The following ARHGAP23 variants were observed in gnomAD, a reference collection of about 807,000 sequenced individuals.
ARHGAP23 encodes the protein Rho GTPase activating protein 23, also known as rho GTPase-activating protein 23.
A neutral mutation model predicts 136.3 loss-of-function variants in ARHGAP23; 34 were observed. The ratio of observed to expected loss-of-function variants is 0.25; its 90% CI spans 0.19 to 0.33. The LOEUF (loss-of-function observed/expected upper bound fraction) is 0.33, where lower values mean the gene tolerates loss of function less well. Ranked by LOEUF, ARHGAP23 falls within the 10% of genes least tolerant of loss-of-function variation. ARHGAP23 has a pLI of 1.00. For synonymous variants in ARHGAP23, 832 were observed against 920.5 expected, an observed-to-expected ratio of 0.90 and a Z score of 1.74; for missense variants, 1,808 against 2,139.0, an observed-to-expected ratio of 0.85 and a Z score of 3.05.
rs931917726 is a variant in ARHGAP23, at chr17:38,479,433, C to T, written c.2437-3C>T. On this transcript the variant is annotated splice_polypyrimidine_tract_variant and splice_region_variant and intron_variant, in intron 12 of 23. Transcript: ENST00000622683. ...TGATCCGCTCTCTCCTCTCCTGCTT[C>T]AGGACCCCGGCTGTGCCAACCAAGC... The T allele has an allele frequency of 5.2e-6, 8 of 1,542,946 alleles. No individual in the cohort carries two copies. In the African/African-American group the frequency reaches 1.1e-4, roughly 21 times the overall value.
At chr17:38,454,967 G>T (rs1367004551) in intron 1 of ARHGAP23, among the ~76,000 whole-genome samples, 1 of 152,218 alleles carries the variant, frequency 6.6e-6, no homozygotes, top group African/African-American at 2.4e-5. Flanking sequence ...CAGGCCAGGA[G>T]AATTTAATCA....
At chr17:38,478,946 C>T (rs971605564) in intron 12 of ARHGAP23, among the ~76,000 whole-genome samples, 4 of 152,184 alleles carry the variant, frequency 2.6e-5, no homozygotes, top group Admixed American at 2.0e-4. Flanking sequence ...GCTGAGGTCA[C>T]ATCCTCTTAC....
At position 38,482,030 on chromosome 17, in the gene ARHGAP23, G is replaced by A. The variant is rs2040055367; in HGVS notation, c.2638G>A (p.Ala880Thr). The change falls in exon 15 of 24, where the codon GCT (alanine) becomes ACT (threonine). Residue 880 changes from alanine to threonine, a missense_variant. Physicochemically the swap from Ala to Thr is moderately conservative, Grantham distance 58. This residue lies in a region of ARHGAP23 where 73 missense variants were observed against 82.5 expected (regional missense o/e 0.88). Transcript: ENST00000622683. The part of the protein sequence containing the change: ...DLPAGSKDDS[A>T]AAPKTPWGIN... The stretch of plus-strand genomic sequence containing the variant: ...TGTCTCCCCCACTTCAGATGACAGT[G>A]CTGCAGCCCCCAAAACCCCCTGGGG... 2.6e-6 allele frequency: 4 copies of A among 1,539,492 alleles called. No individual in the cohort carries two copies. The highest frequency in any genetic ancestry group is 1.4e-5 in the African/African-American group (1 of 72,168).
At chr17:38,469,450 A>G (rs1241503151) in intron 8 of ARHGAP23, 74 bp from the exon 9 acceptor site, 12 of 1,484,232 alleles carry the variant, frequency 8.1e-6, no homozygotes, top group Non-Finnish European at 1.1e-5. Context: ...GCCCCTGCCC[A>G]GAAGGGAGGG....
chr17:38,489,884 C>T, intron 17 of ARHGAP23: 1 of 573,040 alleles, frequency 1.7e-6, no homozygotes. Flanking sequence ...AGCTGGGCTA[C>T]CCCAGGTCAG....
At chr17:38,505,327 C>T (rs1180467585) in intron 23 of ARHGAP23, among the ~76,000 whole-genome samples, 11 of 151,850 alleles carry the variant, frequency 7.2e-5, no homozygotes, top group African/African-American at 2.7e-4. Flanking sequence ...ATCTTAATTC[C>T]AAGTTCTTGA....
intron 10 of ARHGAP23, among the ~76,000 whole-genome samples, chr17:38,470,580 A>G (rs1377193087): frequency 6.6e-6 from 1 of 152,240 alleles, no homozygotes; most frequent in Admixed American, 6.5e-5. Context: ...TCCATTGCCC[A>G]GTCTGGAGTG....
chr17:38,471,109 C>A (rs772650745), intron 10 of ARHGAP23, among the ~76,000 whole-genome samples: 2 of 151,940 alleles, frequency 1.3e-5, no homozygotes, highest in Non-Finnish European at 2.9e-5. Flanking sequence ...TGCGCCACCA[C>A]ACCTGGCTAA....
intron 23 of ARHGAP23, among the ~76,000 whole-genome samples, chr17:38,508,401 G>A (rs547257636): frequency 3.9e-5 from 6 of 152,316 alleles, no homozygotes; most frequent in African/African-American, 1.4e-4. Context: ...CTGTGTTGGG[G>A]TTGGGGTCAG....
intron 1 of ARHGAP23, 172 bp from the exon 2 acceptor site, chr17:38,457,930 G>C: frequency 1.5e-6 from 1 of 678,784 alleles, no homozygotes; most frequent in Non-Finnish European, 2.4e-6. Context: ...ATGAAGGTGG[G>C]AGAGTAAGGA....
chr17:38,493,204 G>GT (rs201592798), intron 20 of ARHGAP23, among the ~76,000 whole-genome samples: 213 of 67,620 alleles, frequency 3.1e-3, no homozygotes, highest in African/African-American at 6.5e-3. Context: ...CTTTTTTTTT[G>GT]TTTTTTTGTT....
intron 1 of ARHGAP23, among the ~76,000 whole-genome samples, chr17:38,420,931 T>TA (rs2038514397): frequency 6.6e-6 from 1 of 151,680 alleles, no homozygotes; most frequent in African/African-American, 2.4e-5. Context: ...GATTTTTTTT[T>TA]AAAAGAGGGG....
chr17:38,510,474 C>T lies in ARHGAP23; in HGVS notation c.3978C>T (p.Gly1326=). 8.4e-7 allele frequency: 1 copy of T among 1,196,582 alleles called. No homozygotes were observed. The highest frequency in any genetic ancestry group is 1.0e-6 in the Non-Finnish European group (1 of 966,134). The allele number at this position is 1,196,582 out of a possible 1,614,324, so 74.1% of individuals were successfully genotyped here. A position where few individuals can be genotyped will look rare whatever the true frequency, so the allele number is the denominator to read the frequency against. Reference sequence around the variant, plus strand: ...TGGCGCGCCGCCGCCTGGCCCGGGGCCGCCCAGACGGCGAGGGCGCGGGCC... The same window carrying T: ...TGGCGCGCCGCCGCCTGGCCCGGGGTCGCCCAGACGGCGAGGGCGCGGGCC... ...DTLARRRLAR[G]RPDGEGAGRG... Residue 1326 remains glycine, a synonymous_variant, in exon 24 of 24, where the codon GGC becomes GGT. Coordinates refer to ENST00000622683, the MANE Select transcript of ARHGAP23 (RefSeq NM_001199417.2). This position sits in a 1 kb window ranked among gnomAD's most constrained non-coding sequence, Gnocchi z 4.6.
chr17:38,433,986 T>A (rs1412333899), intron 1 of ARHGAP23, among the ~76,000 whole-genome samples: 7 of 152,122 alleles, frequency 4.6e-5, no homozygotes, highest in Non-Finnish European at 1.0e-4. Flanking sequence ...CTAATTTTTT[T>A]TATTTTTTTA....
At chr17:38,453,246 G>T (rs564402994) in intron 1 of ARHGAP23, among the ~76,000 whole-genome samples, 11 of 151,658 alleles carry the variant, frequency 7.3e-5, no homozygotes, top group Admixed American at 2.6e-4. Flanking sequence ...TGTGTGTGTG[G>T]GGGGGATAGT....
chr17:38,510,952 C>T lies in ARHGAP23; in HGVS notation c.4456C>T (p.Arg1486Cys), dbSNP rs1413309186. 5.5e-6 allele frequency: 8 copies of T among 1,458,494 alleles called. No homozygotes were observed. Among genetic ancestry groups the T allele is most frequent in the Admixed American group, 5.5e-5 (2 of 36,176 alleles). 90.3% of individuals were successfully genotyped at this position (1,458,494 alleles called of 1,614,324 possible). Residue 1486 changes from arginine to cysteine, a missense_variant, in exon 24 of 24, where the codon CGC becomes TGC. Arg to Cys is a radical substitution (Grantham distance 180). This residue lies in a region of ARHGAP23 where 506 missense variants were observed against 455.8 expected (regional missense o/e 1.11). Coordinates refer to ENST00000622683, the MANE Select transcript of ARHGAP23 (RefSeq NM_001199417.2). This position sits in a 1 kb window ranked among gnomAD's most constrained non-coding sequence, Gnocchi z 4.6. ...GCCCCCGCGCCGCTCGGCCGCCTCC[C>T]GCCTGCATCAGTGTCTGTGATCCCC... is the stretch of plus-strand genomic sequence containing the variant. ...SQPPRRSAAS[R>C]LHQCL
At chr17:38,420,100 C>T (rs561800718) in intron 1 of ARHGAP23, among the ~76,000 whole-genome samples, 1 of 152,304 alleles carries the variant, frequency 6.6e-6, no homozygotes, top group Admixed American at 6.5e-5. Context: ...TGAGTGTGGG[C>T]TGGGCTCAGT....
Position 38,469,551 on chromosome 17 carries a change from C to A in ARHGAP23, c.1832C>A (p.Ser611Tyr), listed in dbSNP as rs1249686048. The change falls in exon 9 of 24, where the codon TCC becomes TAC. Residue 611 changes from serine (S) to tyrosine (Y), a missense_variant. By Grantham distance (144) the Ser-to-Tyr change is moderately radical (BLOSUM62 -2). Around this residue, in one of 7 missense-constraint regions of ARHGAP23, gnomAD observed 859 missense variants for 936.4 expected, o/e 0.92. Coordinates refer to ENST00000622683, the MANE Select transcript of ARHGAP23 (RefSeq NM_001199417.2). ...AGCATCAAGGCTGGCCGCCGCTCCT[C>A]CTACCTGCTGGCCATCACCACGGAG... Reference protein sequence around the residue: ...CSSIKAGRRSSYLLAITTERS... With the variant: ...CSSIKAGRRSYYLLAITTERS... The A allele has an allele frequency of 6.5e-7, 1 of 1,548,650 alleles. No individual in the cohort carries two copies. The highest frequency in any genetic ancestry group is 1.4e-5 in the African/African-American group (1 of 73,096).
exon 1 of ARHGAP23, chr17:38,419,373 G>C (rs1215202812): frequency 1.3e-5 from 2 of 152,164 alleles, no homozygotes; most frequent in Non-Finnish European, 2.9e-5. Flanking sequence ...CGGCGAGGAC[G>C]GCATAGCAGG....
Sources: allele counts gnomAD v4.1 joint callset (sites outside exome capture counted in the v4.1 genomes callset), GRCh38; gene constraint gnomAD v4.1.1; regional missense constraint gnomAD v4.1.1; non-coding constraint Gnocchi (gnomAD v3.1); transcripts MANE v1.5; gene names NCBI Gene and HGNC (gene_info 2026-07-23, HGNC 2026-07-21).